Variants in ATAD2 observed in about 807,000 individuals in gnomAD.
ATAD2 encodes ATPase family AAA domain containing 2, also known as ATPase family AAA domain-containing protein 2.
ATAD2 carries 62 observed loss-of-function variants against 168.9 expected under a neutral mutation model. The observed-to-expected ratio is 0.37, with a 90% CI of 0.30 to 0.45. The LOEUF (loss-of-function observed/expected upper bound fraction) is 0.45. Ranked by LOEUF, ATAD2 falls within the 20% of genes least tolerant of loss-of-function variation. The probability of loss-of-function intolerance (pLI) is 1.00; values close to 1 mark genes in which losing one functional copy is unlikely to be tolerated. For missense variants in ATAD2, 1,419 were observed against 1,667.8 expected, an observed-to-expected ratio of 0.85 and a Z score of 2.60; for synonymous variants, 613 against 571.6, an observed-to-expected ratio of 1.07 and a Z score of -1.03.
chr8:123,325,600 T>G (rs1252330020), intron 26 of ATAD2, among the ~76,000 whole-genome samples: 1 of 151,962 alleles, frequency 6.6e-6, no homozygotes, highest in Non-Finnish European at 1.5e-5. Context: ...TTTTTATTTT[T>G]AGTAAAGACA....
intron 8 of ATAD2, among the ~76,000 whole-genome samples, chr8:123,365,076 G>A (rs1159734917): frequency 6.6e-6 from 1 of 152,122 alleles, no homozygotes; most frequent in African/African-American, 2.4e-5. Context: ...ATCCAGCAAA[G>A]TTTCAGGATA....
At chr8:123,389,982 A>ATTT (rs1234801120) in intron 1 of ATAD2, among the ~76,000 whole-genome samples, 1 of 110,894 alleles carries the variant, frequency 9.0e-6, no homozygotes, top group African/African-American at 5.1e-5. Flanking sequence ...ATATATATAT[A>ATTT]TATTTTTTTT....
At chr8:123,405,636 C>T (rs1813058489) in intron 1 of ATAD2, among the ~76,000 whole-genome samples, 1 of 152,198 alleles carries the variant, frequency 6.6e-6, no homozygotes, top group African/African-American at 2.4e-5. Flanking sequence ...AATTTTCACC[C>T]TGTTTACACA....
chr8:123,354,828 A>C (rs1215919891), intron 13 of ATAD2, among the ~76,000 whole-genome samples: 1 of 110,212 alleles, frequency 9.1e-6, no homozygotes, highest in Non-Finnish European at 1.8e-5. Context: ...ACAGAGCAAG[A>C]CTCTGTCTCA....
intron 15 of ATAD2, among the ~76,000 whole-genome samples, chr8:123,347,700 G>T (rs538154610): frequency 6.6e-6 from 1 of 152,104 alleles, no homozygotes; most frequent in Non-Finnish European, 1.5e-5. Flanking sequence ...ATTCCAGTTT[G>T]TAATTTACTA....
chr8:123,373,051 C>T (rs1168277045), intron 2 of ATAD2, among the ~76,000 whole-genome samples: 1 of 151,948 alleles, frequency 6.6e-6, no homozygotes. Context: ...TGTCATCTCG[C>T]CCGGCTAATT....
At position 123,359,318 on chromosome 8, in the gene ATAD2, C is replaced by A. The variant is rs376258888; in HGVS notation, c.1285G>T (p.Gly429Cys). The change falls in exon 11 of 28, where the codon GGT (glycine) becomes TGT (cysteine). Residue 429 changes from glycine to cysteine, a missense_variant. This residue lies in a region of ATAD2 where 146 missense variants were observed against 188.3 expected (regional missense o/e 0.78). Transcript: ENST00000287394. ...GCTGCTATATGATTAGACAGGCCAC[C>A]AACACTATCAAATCGTACCTGGTAA... ...LDSSVRFDSVGGLSNHIAALK... is the reference protein window; with the variant it reads ...LDSSVRFDSVCGLSNHIAALK... 1 of 1,607,444 alleles carries A rather than the reference C, an allele frequency of 6.2e-7. No homozygotes were observed. The highest frequency in any genetic ancestry group is 1.7e-5 in the Admixed American group (1 of 58,736).
Position 123,328,533 on chromosome 8 carries a change from G to A in ATAD2, c.3525C>T (p.Gly1175=), listed in dbSNP as rs1217092699. The change falls in exon 25 of 28, where the codon GGC becomes GGT. Residue 1175 remains glycine, a synonymous_variant. Coordinates refer to ENST00000287394, the MANE Select transcript of ATAD2 (RefSeq NM_014109.4). The part of the protein sequence containing the change: ...KIRKKSNWYL[G]TIKKRRKISQ... ...AAATCTTCCTTCGCTTTTTTATGGTGCCTAAGTACCAGTTTGACTTTTTGC... is the reference window on the plus strand; with the variant it reads ...AAATCTTCCTTCGCTTTTTTATGGTACCTAAGTACCAGTTTGACTTTTTGC... The A allele has an allele frequency of 7.6e-6, 12 of 1,583,262 alleles. No individual in the cohort carries two copies. The highest frequency in any genetic ancestry group is 1.9e-5 in the Admixed American group (1 of 53,478).
intron 1 of ATAD2, among the ~76,000 whole-genome samples, chr8:123,405,249 T>C (rs1813053459): frequency 1.1e-5 from 1 of 94,438 alleles, no homozygotes; most frequent in African/African-American, 3.6e-5. Context: ...TCTTTTTCAT[T>C]TTCTTTCTTT....
At chr8:123,416,274 A>C (rs1368164626) in exon 1 of ATAD2, 1 of 153,000 alleles carries the variant, frequency 6.5e-6, no homozygotes, top group Non-Finnish European at 1.5e-5. Flanking sequence ...GCAGAAGCTC[A>C]GCCCCTGGTT....
intron 2 of ATAD2, among the ~76,000 whole-genome samples, chr8:123,376,482 A>G (rs1290903031): frequency 2.0e-5 from 3 of 151,198 alleles, no homozygotes; most frequent in African/African-American, 4.9e-5. Flanking sequence ...GAATTGCTTG[A>G]ACCTGGGAGG....
chr8:123,323,081 G>C lies in ATAD2; in HGVS notation c.4003-15C>G, dbSNP rs760910904. 6.2e-7 allele frequency: 1 copy of C among 1,604,112 alleles called. No individual in the cohort carries two copies. The highest frequency in any genetic ancestry group is 1.1e-5 in the South Asian group (1 of 89,938). ...TTCAAAAGATTCTAAAAGAAAATATGAGTGTCAATATGTGTGAGAGAGAAA... is the reference window on the plus strand; with the variant it reads ...TTCAAAAGATTCTAAAAGAAAATATCAGTGTCAATATGTGTGAGAGAGAAA... On this transcript the variant is annotated splice_polypyrimidine_tract_variant and intron_variant, in intron 26 of 27. Transcript: ENST00000287394.
At chr8:123,371,618 A>G (rs1467665235) in intron 4 of ATAD2, 52 bp downstream of exon 4, 2 of 1,500,982 alleles carry the variant, frequency 1.3e-6, no homozygotes, top group East Asian at 2.3e-5. Flanking sequence ...TTCCTCCCCA[A>G]CAAAAAGTCT....
At chr8:123,344,761 T>C (rs1024831534) in intron 19 of ATAD2, 123 bp downstream of exon 19, 8 of 1,073,552 alleles carry the variant, frequency 7.5e-6, no homozygotes, top group Admixed American at 6.1e-5. Context: ...AATGGTATAT[T>C]TGATAAGAAA....
intron 3 of ATAD2, 138 bp from the exon 4 acceptor site, chr8:123,371,973 AC>A: frequency 1.1e-6 from 1 of 878,292 alleles, no homozygotes; most frequent in East Asian, 2.9e-5. Context: ...TTTCTTAAAA[AC>A]ATCAGAAAAC....
At chr8:123,332,539 T>C (rs1383740918) in intron 24 of ATAD2, among the ~76,000 whole-genome samples, 1 of 152,218 alleles carries the variant, frequency 6.6e-6, no homozygotes, top group Non-Finnish European at 1.5e-5. Flanking sequence ...TTATTTCACA[T>C]GTAAATGTAT....
chr8:123,392,581 A>G (rs571893950), intron 1 of ATAD2, among the ~76,000 whole-genome samples: 11 of 152,248 alleles, frequency 7.2e-5, no homozygotes, highest in South Asian at 2.1e-4. Context: ...CTAAAGTACT[A>G]TAATTCCTGA....
At chr8:123,389,984 A>ATTTT (rs577381945) in intron 1 of ATAD2, among the ~76,000 whole-genome samples, 12 of 115,134 alleles carry the variant, frequency 1.0e-4, no homozygotes, top group African/African-American at 5.2e-4. Flanking sequence ...ATATATATAT[A>ATTTT]TTTTTTTTTT....
upstream of ATAD2, among the ~76,000 whole-genome samples, chr8:123,397,216 G>T (rs950263352): frequency 7.3e-6 from 1 of 136,916 alleles, no homozygotes; most frequent in Admixed American, 8.1e-5. Context: ...ACTCCAGCCT[G>T]GGCAACAGAG....
Sources: allele counts gnomAD v4.1 joint callset (sites outside exome capture counted in the v4.1 genomes callset), GRCh38; gene constraint gnomAD v4.1.1; regional missense constraint gnomAD v4.1.1; transcripts MANE v1.5; gene names NCBI Gene and HGNC (gene_info 2026-07-23, HGNC 2026-07-21).